SLC7A11: variants seen among roughly 807,000 people sequenced by gnomAD.
The protein encoded by SLC7A11 is cystine/glutamate transporter.
A neutral mutation model predicts 54.5 loss-of-function variants in SLC7A11; 35 were observed. That is an observed-to-expected ratio of 0.64 (90% CI 0.49 to 0.85). The LOEUF is 0.85. SLC7A11 is among the 40% of genes least tolerant of loss of function. The probability of loss-of-function intolerance (pLI) is 0.00; values close to 1 mark genes in which losing one functional copy is unlikely to be tolerated. For synonymous variants in SLC7A11, 230 were observed against 225.2 expected, an observed-to-expected ratio of 1.02 and a Z score of -0.19; for missense variants, 583 against 618.1, an observed-to-expected ratio of 0.94 and a Z score of 0.60.
chr4:138,189,462 C>T (rs1452496834), intron 6 of SLC7A11, among the ~76,000 whole-genome samples: 1 of 152,106 alleles, frequency 6.6e-6, no homozygotes, highest in Non-Finnish European at 1.5e-5. Context: ...GAACCCACCT[C>T]TTCTGGCCCT....
At chr4:138,215,240 TA>T (rs950524201) in intron 5 of SLC7A11, among the ~76,000 whole-genome samples, 3 of 151,874 alleles carry the variant, frequency 2.0e-5, no homozygotes, top group African/African-American at 7.3e-5. Context: ...TTTTGTGAAA[TA>T]AAAAAAATCA....
chr4:138,179,511 C>T, intron 10 of SLC7A11, 117 bp from the exon 11 acceptor site: 2 of 804,458 alleles, frequency 2.5e-6, no homozygotes, highest in Non-Finnish European at 3.9e-6. Flanking sequence ...GTCATGCGAC[C>T]AGGTAACAGG....
intron 6 of SLC7A11, among the ~76,000 whole-genome samples, chr4:138,205,489 A>G (rs1487638141): frequency 6.6e-6 from 1 of 152,028 alleles, no homozygotes; most frequent in African/African-American, 2.4e-5. Context: ...AAATATAATA[A>G]CCTGAATGCA....
At chr4:138,173,312 T>C (rs1736483536) in intron 11 of SLC7A11, among the ~76,000 whole-genome samples, 1 of 152,138 alleles carries the variant, frequency 6.6e-6, no homozygotes, top group Non-Finnish European at 1.5e-5. Context: ...ATAGCTCCTT[T>C]CAAGCCATAT....
At position 138,166,061 on chromosome 4, in the gene SLC7A11, CTG is replaced by C. The variant is rs1736248831; in HGVS notation, c.*5893_*5894del. On this transcript the variant is annotated 3_prime_UTR_variant, in exon 12 of 12. Coordinates refer to ENST00000280612, the MANE Select transcript of SLC7A11 (RefSeq NM_014331.4). ...ATGAGCATACATTCATGGGAACAATCTGTTTCATTCTTCAAAGTATGTTTGTA... is the reference window on the plus strand; with the variant it reads ...ATGAGCATACATTCATGGGAACAATCTTTCATTCTTCAAAGTATGTTTGTA... 6.6e-6 allele frequency: 1 copy of C among 152,126 alleles called. No individual in the cohort carries two copies. The highest frequency in any genetic ancestry group is 1.5e-5 in the Non-Finnish European group (1 of 68,020). The allele number at this position is 152,126 out of a possible 1,614,324, so 9.4% of individuals were successfully genotyped here. A position where few individuals can be genotyped will look rare whatever the true frequency, so the allele number is the denominator to read the frequency against.
intron 6 of SLC7A11, among the ~76,000 whole-genome samples, chr4:138,211,066 A>G (rs1737532844): frequency 6.6e-6 from 1 of 152,106 alleles, no homozygotes; most frequent in Admixed American, 6.6e-5. Flanking sequence ...GCCATAAAAA[A>G]GAATGATATC....
chr4:138,242,348 C>T lies in SLC7A11; in HGVS notation c.-279G>A. The T allele has an allele frequency of 2.1e-6, 1 of 468,460 alleles. No homozygotes were observed. Among genetic ancestry groups the T allele is most frequent in the South Asian group, 2.3e-5 (1 of 44,108 alleles). The allele number at this position is 468,460 out of a possible 1,614,324, so 29.0% of individuals were successfully genotyped here. A position where few individuals can be genotyped will look rare whatever the true frequency, so the allele number is the denominator to read the frequency against. On this transcript the variant is annotated 5_prime_UTR_variant, in exon 1 of 12. Transcript: ENST00000280612. ...GCTGCTGCCGCCCTATCATTACAAA[C>T]CAGCTCAGCTTCCTCATGGGCTTGT... is the stretch of plus-strand genomic sequence containing the variant.
intron 9 of SLC7A11, among the ~76,000 whole-genome samples, chr4:138,182,011 T>G (rs72946091): frequency 0.022 from 3,286 of 152,166 alleles, 89 homozygotes; most frequent in African/African-American, 0.063. Flanking sequence ...TGAGGTGCTA[T>G]GTCAATGAGA....
rs1248079209 is a variant in SLC7A11 at position 138,224,323 on chromosome 4, C to A, written c.521-999G>T. ...TTCCACAACCTTATGCTTGGAACAA[C>A]CCAAAACACTACTTTATTCCTGACA... On this transcript the variant is annotated intron_variant, in intron 3 of 11. Transcript: ENST00000280612. Among the ~76,000 whole-genome samples the A allele has an allele frequency of 5.9e-5, 9 of 152,096 alleles. No homozygotes were observed. The South Asian group carries it at 1.7e-3, about 28-fold the overall frequency.
rs2148462024 is a variant in SLC7A11, at chr4:138,242,118, C to T, written c.-49G>A. 2 of 1,578,542 alleles carry T rather than the reference C, an allele frequency of 1.3e-6. No homozygotes were observed. Among genetic ancestry groups the T allele is most frequent in the Non-Finnish European group, 1.7e-6 (2 of 1,161,754 alleles). ...TAAAACAGAGGGAAAGAAAACAAAA[C>T]TTTCAACTTTGGTGTCTCTTGGTGT... On this transcript the variant is annotated 5_prime_UTR_variant, in exon 1 of 12. Transcript: ENST00000280612.
At chr4:138,236,638 C>T (rs1250615058) in intron 1 of SLC7A11, among the ~76,000 whole-genome samples, 187 bp from the exon 2 acceptor site, 1 of 152,190 alleles carries the variant, frequency 6.6e-6, no homozygotes, top group Non-Finnish European at 1.5e-5. Flanking sequence ...CCTTTTCTAA[C>T]ATCCTCACAG....
chr4:138,232,295 C>A lies in SLC7A11; in HGVS notation c.492G>T (p.Ala164=), dbSNP rs750795097. Reference sequence around the variant, plus strand: ...TGCCCACAGCTGTAATGAGCTTGATCGCAAGTTCAGGGATTTCACATTGAA... The same window carrying A: ...TGCCCACAGCTGTAATGAGCTTGATAGCAAGTTCAGGGATTTCACATTGAA... ...FFIQCEIPEL[A]IKLITAVGIT... is the part of the protein sequence containing the mutation. Residue 164 remains alanine, a synonymous_variant, in exon 3 of 12, where the codon GCG becomes GCT. Coordinates refer to ENST00000280612, the MANE Select transcript of SLC7A11 (RefSeq NM_014331.4). The A allele has an allele frequency of 6.2e-6, 10 of 1,611,594 alleles. 1 individual carries two copies. Among genetic ancestry groups the A allele is most frequent in the Admixed American group, 1.7e-5 (1 of 59,992 alleles).
At chr4:138,177,661 A>C (rs1736613167) in intron 11 of SLC7A11, 1 of 152,122 alleles carries the variant, frequency 6.6e-6, no homozygotes, top group African/African-American at 2.4e-5. Context: ...AGCACCTCAC[A>C]CATCAACCTT....
rs1290132500 is a variant in SLC7A11 at position 138,179,277 on chromosome 4, G to A, written c.1384C>T (p.Pro462Ser). Reference protein sequence around the residue: ...IGFVITLTGVPAYYLFIIWDK... With the variant: ...IGFVITLTGVSAYYLFIIWDK... ...CATATAATAAAGAGATAATACGCAG[G>A]GACTCCAGTCAGAGTGATGACGAAG... The change falls in exon 11 of 12, where the codon CCT becomes TCT. Residue 462 changes from proline to serine, a missense_variant. By Grantham distance (74) the Pro-to-Ser change is moderately conservative. Coordinates refer to ENST00000280612, the MANE Select transcript of SLC7A11 (RefSeq NM_014331.4). 6.2e-7 allele frequency: 1 copy of A among 1,612,566 alleles called. No homozygotes were observed.
chr4:138,179,956 A>G (rs1736694657), intron 10 of SLC7A11, among the ~76,000 whole-genome samples: 2 of 152,186 alleles, frequency 1.3e-5, no homozygotes, highest in South Asian at 2.1e-4. Context: ...TCCTGACAAC[A>G]TGACTGACAA....
At chr4:138,200,924 C>T (rs1412935163) in intron 6 of SLC7A11, among the ~76,000 whole-genome samples, 1 of 152,070 alleles carries the variant, frequency 6.6e-6, no homozygotes, top group Admixed American at 6.6e-5. Flanking sequence ...AGAGACATTA[C>T]TATAATAAAT....
chr4:138,196,581 A>G (rs1047050424), intron 6 of SLC7A11, among the ~76,000 whole-genome samples: 1 of 152,084 alleles, frequency 6.6e-6, no homozygotes, highest in African/African-American at 2.4e-5. Context: ...CACCATGGGG[A>G]AAAAAAGACT....
chr4:138,226,444 G>T (rs192568113), intron 3 of SLC7A11, among the ~76,000 whole-genome samples: 389 of 151,896 alleles, frequency 2.6e-3, no homozygotes, highest in Non-Finnish European at 4.0e-3. Context: ...TTTTTCAAAG[G>T]GTTCTTAAAA....
At chr4:138,188,333 G>T (rs1736925816) in intron 6 of SLC7A11, among the ~76,000 whole-genome samples, 1 of 152,166 alleles carries the variant, frequency 6.6e-6, no homozygotes, top group Non-Finnish European at 1.5e-5. Context: ...AAAGTGATGG[G>T]ATTACAGGCA....
Sources: allele counts gnomAD v4.1 joint callset (sites outside exome capture counted in the v4.1 genomes callset), GRCh38; gene constraint gnomAD v4.1.1; transcripts MANE v1.5; gene names NCBI Gene and HGNC (gene_info 2026-07-23, HGNC 2026-07-21).